TAFA4: variants seen among roughly 807,000 people sequenced by gnomAD.
TAFA4 encodes TAFA chemokine like family member 4.
A neutral mutation model predicts 21.1 loss-of-function variants in TAFA4; 20 were observed. That is an observed-to-expected ratio of 0.95 (90% CI 0.67 to 1.38). TAFA4 has a LOEUF of 1.38. Among genes scored for constraint, TAFA4 ranks in the 40% most tolerant of loss-of-function variants. The pLI is 0.00. For synonymous variants in TAFA4, 71 were observed against 67.4 expected (o/e 1.05, Z -0.26); for missense variants, 211 against 180.9 (o/e 1.17, Z -0.95).
At chr3:68,858,152 G>A (rs1705112884) in intron 3 of TAFA4, among the ~76,000 whole-genome samples, 1 of 152,012 alleles carries the variant, frequency 6.6e-6, no homozygotes, top group African/African-American at 2.4e-5. Flanking sequence ...CTGATTCATC[G>A]CTTCTCCACC....
chr3:68,773,401 T>G (rs537988285), intron 3 of TAFA4, among the ~76,000 whole-genome samples: 49 of 152,332 alleles, frequency 3.2e-4, no homozygotes, highest in African/African-American at 1.1e-3. Flanking sequence ...CATCAATGTG[T>G]TCACCAATCA....
intron 3 of TAFA4, among the ~76,000 whole-genome samples, chr3:68,768,497 G>C (rs1702897139): frequency 6.6e-6 from 1 of 152,058 alleles, no homozygotes; most frequent in Admixed American, 6.5e-5. Context: ...ACTGTCAGTG[G>C]GAATGCAAAC....
chr3:68,829,435 T>C (rs1388627428), intron 3 of TAFA4, among the ~76,000 whole-genome samples: 1 of 152,240 alleles, frequency 6.6e-6, no homozygotes, highest in Non-Finnish European at 1.5e-5. Context: ...TTTCTGCATC[T>C]ATTGAAATAA....
chr3:68,902,775 CA>C (rs1408930963), intron 1 of TAFA4, among the ~76,000 whole-genome samples: 2 of 152,098 alleles, frequency 1.3e-5, no homozygotes, highest in Admixed American at 1.3e-4. Context: ...GTATGAGAAA[CA>C]ACCAGAACCT....
intron 3 of TAFA4, among the ~76,000 whole-genome samples, chr3:68,767,950 A>G (rs998349510): frequency 6.7e-6 from 1 of 150,102 alleles, no homozygotes. Flanking sequence ...TTTCAGGTTA[A>G]AAAAAAAATC....
chr3:68,814,599 C>T (rs913878648), intron 3 of TAFA4, among the ~76,000 whole-genome samples: 1 of 152,172 alleles, frequency 6.6e-6, no homozygotes, highest in Non-Finnish European at 1.5e-5. Flanking sequence ...AGGAATCCAA[C>T]TTACAAGGAA....
chr3:68,918,720 T>G (rs1439726004), intron 1 of TAFA4, among the ~76,000 whole-genome samples: 1 of 152,154 alleles, frequency 6.6e-6, no homozygotes, highest in South Asian at 2.1e-4. Flanking sequence ...TTGTATTTTT[T>G]TGTACAGACA....
At chr3:68,830,230 C>T (rs898085960) in intron 3 of TAFA4, among the ~76,000 whole-genome samples, 1 of 152,100 alleles carries the variant, frequency 6.6e-6, no homozygotes, top group African/African-American at 2.4e-5. Context: ...CTTCTGCTAG[C>T]TTTTGAATTT....
intron 3 of TAFA4, among the ~76,000 whole-genome samples, chr3:68,840,951 C>T (rs1434684965): frequency 6.6e-6 from 1 of 152,132 alleles, no homozygotes; most frequent in African/African-American, 2.4e-5. Context: ...CATTCTGTAC[C>T]TCTGCTACCA....
At chr3:68,822,979 A>C (rs1442064628) in intron 3 of TAFA4, among the ~76,000 whole-genome samples, 2 of 152,202 alleles carry the variant, frequency 1.3e-5, no homozygotes, top group Non-Finnish European at 2.9e-5. Flanking sequence ...GGCATTTCCC[A>C]AATGAATAGG....
chr3:68,897,398 G>T (rs1196186997), intron 1 of TAFA4, among the ~76,000 whole-genome samples: 4 of 143,956 alleles, frequency 2.8e-5, no homozygotes, highest in African/African-American at 1.0e-4. Flanking sequence ...AGGCCAAGGG[G>T]GGCAGACACC....
intron 1 of TAFA4, among the ~76,000 whole-genome samples, chr3:68,920,639 A>AT (rs367598663): frequency 0.029 from 3,800 of 130,196 alleles, 115 homozygotes; most frequent in African/African-American, 0.076. Context: ...TTTTTCTCTA[A>AT]TTTTTTTTTT....
intron 1 of TAFA4, among the ~76,000 whole-genome samples, chr3:68,924,060 C>T (rs1253015260): frequency 6.6e-6 from 1 of 152,150 alleles, no homozygotes; most frequent in Non-Finnish European, 1.5e-5. Context: ...CATAGAAAAA[C>T]AGCATGGTGG....
chr3:68,781,644 A>G lies in TAFA4; in HGVS notation c.131-28626T>C, dbSNP rs557410678. On this transcript the variant is annotated intron_variant, in intron 3 of 5. Transcript: ENST00000295569. Reference sequence around the variant, plus strand: ...TTAAAACCTTCCCACAATGAAAACCACATGTCTAAAGACTTCATTGCTGAA... The same window carrying G: ...TTAAAACCTTCCCACAATGAAAACCGCATGTCTAAAGACTTCATTGCTGAA... Among the ~76,000 whole-genome samples, 297 of 152,218 alleles carry G rather than the reference A, an allele frequency of 2.0e-3. 3 individuals are homozygous for G. The highest frequency in any genetic ancestry group is 0.018 in the Admixed American group (283 of 15,300).
At chr3:68,790,387 G>A (rs1235339963) in intron 3 of TAFA4, among the ~76,000 whole-genome samples, 1 of 152,044 alleles carries the variant, frequency 6.6e-6, no homozygotes, top group Non-Finnish European at 1.5e-5. Flanking sequence ...AAAGGCAAAG[G>A]TGACAAACAG....
chr3:68,898,364 A>G (rs780605519), intron 1 of TAFA4, among the ~76,000 whole-genome samples: 4 of 152,322 alleles, frequency 2.6e-5, no homozygotes, highest in East Asian at 1.9e-4. Context: ...ATGATTTAGC[A>G]TATGTGGGCC....
chr3:68,870,239 TAGA>T (rs1184953057), intron 3 of TAFA4, among the ~76,000 whole-genome samples: 2 of 152,064 alleles, frequency 1.3e-5, no homozygotes, highest in African/African-American at 4.8e-5. Context: ...ACTCATGGGT[TAGA>T]AGAATTAATA....
chr3:68,809,712 A>G (rs931342860), intron 3 of TAFA4, among the ~76,000 whole-genome samples: 1 of 152,020 alleles, frequency 6.6e-6, no homozygotes, highest in Non-Finnish European at 1.5e-5. Context: ...CTTTAACTGC[A>G]TTTTGAGTTG....
intron 1 of TAFA4, among the ~76,000 whole-genome samples, chr3:68,917,422 G>C (rs1264125638): frequency 6.6e-6 from 1 of 152,010 alleles, no homozygotes; most frequent in East Asian, 1.9e-4. Context: ...CAGAATCAGA[G>C]ACCTCCCCCC....
Sources: gnomAD v4.1 joint callset for allele counts (sites outside exome capture counted in the v4.1 genomes callset) on GRCh38, gnomAD v4.1.1 for gene constraint, MANE v1.5 for transcripts, NCBI Gene and HGNC (gene_info 2026-07-23, HGNC 2026-07-21) for gene names.